LRFN2: variants seen among roughly 807,000 people sequenced by gnomAD.
The protein encoded by LRFN2 is leucine rich repeat and fibronectin type III domain containing 2.
A neutral mutation model predicts 37.3 loss-of-function variants in LRFN2; 18 were observed. That is an observed-to-expected ratio of 0.48 (90% confidence interval 0.33 to 0.72). The LOEUF (loss-of-function observed/expected upper bound fraction) is 0.72. LRFN2 is among the 30% of genes least tolerant of loss of function. LRFN2 has a pLI of 0.02. For missense variants in LRFN2, 1,006 were observed against 1,060.7 expected, an observed-to-expected ratio of 0.95 and a Z score of 0.72; for synonymous variants, 556 against 466.6, an observed-to-expected ratio of 1.19 and a Z score of -2.47.
chr6:40,498,697 A>G (rs1765297071), intron 1 of LRFN2, among the ~76,000 whole-genome samples: 3 of 152,140 alleles, frequency 2.0e-5, no homozygotes, highest in Admixed American at 2.0e-4. Context: ...CACAATCACT[A>G]TTTAGGTTCT....
At chr6:40,433,359 T>A (rs554416474) in intron 1 of LRFN2, among the ~76,000 whole-genome samples, 7 of 152,376 alleles carry the variant, frequency 4.6e-5, no homozygotes, top group African/African-American at 1.7e-4. Context: ...TTATTTATGA[T>A]GTTTATTTAT....
intron 1 of LRFN2, among the ~76,000 whole-genome samples, chr6:40,433,408 G>A (rs1255654279): frequency 2.6e-5 from 4 of 152,264 alleles, no homozygotes; most frequent in Non-Finnish European, 4.4e-5. Context: ...GCTCCAAAGA[G>A]GGCAGGTACT....
intron 2 of LRFN2, among the ~76,000 whole-genome samples, chr6:40,401,865 C>T (rs1194519285): frequency 6.6e-6 from 1 of 152,120 alleles, no homozygotes; most frequent in African/African-American, 2.4e-5. Context: ...AGTGATGCAC[C>T]ATGGCTGCCT....
At chr6:40,565,597 T>A (rs1232821572) in intron 1 of LRFN2, among the ~76,000 whole-genome samples, 1 of 152,208 alleles carries the variant, frequency 6.6e-6, no homozygotes, top group Admixed American at 6.5e-5. Flanking sequence ...TACAACCATC[T>A]GATCTTTGAC....
At position 40,432,346 on chromosome 6, in the gene LRFN2, G is replaced by A. The variant is rs757361325; in HGVS notation, c.768C>T (p.Leu256=). 7 of 1,614,162 alleles carry A rather than the reference G, an allele frequency of 4.3e-6. No homozygotes were observed. Among genetic ancestry groups the A allele is most frequent in the Non-Finnish European group, 5.9e-6 (7 of 1,180,044 alleles). Residue 256 remains leucine (L), a synonymous_variant, in exon 2 of 3, where the codon CTC becomes CTT. Transcript: ENST00000338305. ...AGGTTTCCAGGTCATCGTCCCGCTC[G>A]AGCCTCCGCAGCCAGAGAAGCTCAC... ...CNCELLWLRR[L]ERDDDLETCG...
At chr6:40,482,143 T>C (rs1581739286) in intron 1 of LRFN2, among the ~76,000 whole-genome samples, 2 of 152,114 alleles carry the variant, frequency 1.3e-5, no homozygotes, top group East Asian at 3.9e-4. Flanking sequence ...AGTTGCCATG[T>C]AGAAAAGGAG....
At chr6:40,563,576 G>C (rs1431277822) in intron 1 of LRFN2, among the ~76,000 whole-genome samples, 1 of 152,156 alleles carries the variant, frequency 6.6e-6, no homozygotes, top group Non-Finnish European at 1.5e-5. Context: ...CTGGGATTCA[G>C]CTGAGGCGAA....
intron 1 of LRFN2, among the ~76,000 whole-genome samples, chr6:40,498,123 A>G (rs1765278850): frequency 6.6e-6 from 1 of 152,156 alleles, no homozygotes; most frequent in Non-Finnish European, 1.5e-5. Flanking sequence ...GCGCGCCTAT[A>G]GATCCGTGTC....
chr6:40,412,851 A>G (rs1482971782), intron 2 of LRFN2, among the ~76,000 whole-genome samples: 1 of 152,162 alleles, frequency 6.6e-6, no homozygotes, highest in East Asian at 1.9e-4. Flanking sequence ...TGTGCTAAGG[A>G]AAAAAGAACA....
intron 1 of LRFN2, among the ~76,000 whole-genome samples, chr6:40,435,084 G>GAGAGAGACAGAGAGAC (rs1222394450): frequency 5.3e-5 from 7 of 131,652 alleles, no homozygotes; most frequent in East Asian, 2.3e-4. Context: ...GAGAGAGAGA[G>GAGAGAGACAGAGAGAC]AGAGAGACAG....
intron 1 of LRFN2, among the ~76,000 whole-genome samples, chr6:40,471,061 G>A (rs189520349): frequency 4.6e-5 from 7 of 152,296 alleles, no homozygotes; most frequent in East Asian, 1.9e-4. Flanking sequence ...GGTGAGGGGC[G>A]TGGGGGGCAG....
At chr6:40,444,390 T>C (rs1490551606) in intron 1 of LRFN2, among the ~76,000 whole-genome samples, 2 of 152,170 alleles carry the variant, frequency 1.3e-5, no homozygotes, top group African/African-American at 4.8e-5. Context: ...GTTTTGCCAT[T>C]TATAGAACCC....
intron 1 of LRFN2, among the ~76,000 whole-genome samples, chr6:40,483,198 G>A (rs1473242638): frequency 2.0e-5 from 3 of 152,246 alleles, no homozygotes; most frequent in African/African-American, 7.2e-5. Flanking sequence ...AATAGAAAAC[G>A]TGTGTCAATA....
intron 1 of LRFN2, among the ~76,000 whole-genome samples, chr6:40,538,070 G>A (rs1766484942): frequency 1.3e-5 from 2 of 152,152 alleles, no homozygotes; most frequent in South Asian, 4.1e-4. Context: ...CGCTCGCCTT[G>A]GAACGCTAAG....
intron 1 of LRFN2, among the ~76,000 whole-genome samples, chr6:40,536,912 T>C (rs1042267889): frequency 1.3e-5 from 2 of 152,214 alleles, no homozygotes; most frequent in Admixed American, 6.5e-5. Flanking sequence ...GTGCTTTCCA[T>C]GTACCAGTCA....
intron 1 of LRFN2, among the ~76,000 whole-genome samples, chr6:40,444,130 A>G (rs1328328251): frequency 1.3e-5 from 2 of 152,224 alleles, no homozygotes; most frequent in Non-Finnish European, 2.9e-5. Flanking sequence ...AGAGCAGGGC[A>G]GTTAAAGGTG....
chr6:40,488,838 G>A (rs900702717), intron 1 of LRFN2, among the ~76,000 whole-genome samples: 1 of 152,136 alleles, frequency 6.6e-6, no homozygotes, highest in Non-Finnish European at 1.5e-5. Flanking sequence ...GGGTTTCAGG[G>A]CAATAGGGTT....
At chr6:40,435,648 C>T (rs1763652348) in intron 1 of LRFN2, among the ~76,000 whole-genome samples, 2 of 152,116 alleles carry the variant, frequency 1.3e-5, no homozygotes, top group African/African-American at 2.4e-5. Context: ...ACGCCATTCT[C>T]CTGCCTCAGC....
chr6:40,426,568 G>C (rs898600335), intron 2 of LRFN2, among the ~76,000 whole-genome samples: 18 of 152,216 alleles, frequency 1.2e-4, no homozygotes. Context: ...AGAGCAATGA[G>C]AGACATGTGT....
Sources: allele counts gnomAD v4.1 joint callset (sites outside exome capture counted in the v4.1 genomes callset), GRCh38; gene constraint gnomAD v4.1.1; transcripts MANE v1.5; gene names NCBI Gene and HGNC (gene_info 2026-07-23, HGNC 2026-07-21).